ACTN4: variants seen among roughly 807,000 people sequenced by gnomAD.
The protein encoded by ACTN4 is actinin alpha 4.
Under a neutral mutation model 114.2 loss-of-function variants are expected in ACTN4, and 18 were observed. That is an observed-to-expected ratio of 0.16 (90% CI 0.11 to 0.23). The LOEUF is 0.23. Among genes scored for constraint, ACTN4 ranks in the 10% least tolerant of loss-of-function variants. The probability of loss-of-function intolerance (pLI) is 1.00; values close to 1 mark genes in which losing one functional copy is unlikely to be tolerated. For synonymous variants in ACTN4, 515 were observed against 506.3 expected (o/e 1.02, Z -0.23); for missense variants, 722 against 1,262.9 (o/e 0.57, Z 6.49).
intron 17 of ACTN4, among the ~76,000 whole-genome samples, chr19:38,726,449 G>C (rs1347197946): frequency 6.6e-6 from 1 of 152,224 alleles, no homozygotes; most frequent in African/African-American, 2.4e-5. Flanking sequence ...TGTGGCCTTA[G>C]CAGTATCAGC....
chr19:38,680,094 G>A (rs1053266448), intron 1 of ACTN4, among the ~76,000 whole-genome samples: 3 of 151,910 alleles, frequency 2.0e-5, no homozygotes, highest in East Asian at 1.9e-4. Context: ...ACGCTCTATC[G>A]CAGTTATTTA....
chr19:38,696,502 G>A (rs1968097455), intron 1 of ACTN4, among the ~76,000 whole-genome samples: 1 of 152,166 alleles, frequency 6.6e-6, no homozygotes, highest in Non-Finnish European at 1.5e-5. Context: ...TGGAAGCAGA[G>A]TGTTATTTTT....
chr19:38,682,526 G>A (rs1018075529), intron 1 of ACTN4, among the ~76,000 whole-genome samples: 4 of 152,144 alleles, frequency 2.6e-5, no homozygotes, highest in African/African-American at 7.2e-5. Flanking sequence ...AGTCCTGTTA[G>A]CTCTGCCTTC....
At chr19:38,692,618 A>T (rs528250695) in intron 1 of ACTN4, among the ~76,000 whole-genome samples, 1 of 152,316 alleles carries the variant, frequency 6.6e-6, no homozygotes, top group East Asian at 1.9e-4. Flanking sequence ...GATGAAGCCC[A>T]TGGGCTGGGG....
intron 1 of ACTN4, among the ~76,000 whole-genome samples, chr19:38,686,879 C>T (rs1160611156): frequency 6.6e-6 from 1 of 152,136 alleles, no homozygotes; most frequent in Admixed American, 6.5e-5. Context: ...GCAGCTCCTA[C>T]CCCGGGCCGC....
Position 38,647,675 on chromosome 19 carries a change from G to A in ACTN4, c.-71G>A. On this transcript the variant is annotated 5_prime_UTR_variant, in exon 1 of 21. Coordinates refer to ENST00000252699, the MANE Select transcript of ACTN4 (RefSeq NM_004924.6). ...AAGCAGCTGAAGCGGCGGTAGCGGCGGCGGCTCGGGCAGAGGGGCGGGAGC... is the reference window on the plus strand; with the variant it reads ...AAGCAGCTGAAGCGGCGGTAGCGGCAGCGGCTCGGGCAGAGGGGCGGGAGC... The A allele has an allele frequency of 1.3e-6, 2 of 1,484,182 alleles. No homozygotes were observed. The highest frequency in any genetic ancestry group is 1.8e-6 in the Non-Finnish European group (2 of 1,116,754). 91.9% of individuals were successfully genotyped at this position (1,484,182 alleles called of 1,614,324 possible). A position where few individuals can be genotyped will look rare whatever the true frequency, so the allele number is the denominator to read the frequency against.
chr19:38,701,177 G>C (rs1159920369), intron 3 of ACTN4, 56 bp downstream of exon 3: 5 of 1,610,218 alleles, frequency 3.1e-6, no homozygotes, highest in Non-Finnish European at 4.2e-6. Flanking sequence ...TTTAGGCTCT[G>C]AAGCACAACA....
At chr19:38,702,295 G>A (rs1223401202) in intron 3 of ACTN4, among the ~76,000 whole-genome samples, 1 of 152,206 alleles carries the variant, frequency 6.6e-6, no homozygotes, top group Non-Finnish European at 1.5e-5. Context: ...TGACTGTGGG[G>A]CCTTGGAACA....
intron 1 of ACTN4, among the ~76,000 whole-genome samples, chr19:38,666,188 T>C (rs1448127156): frequency 6.6e-6 from 1 of 150,546 alleles, no homozygotes; most frequent in Non-Finnish European, 1.5e-5. Flanking sequence ...TTTCCTGGGG[T>C]CACTTCCTGA....
intron 1 of ACTN4, among the ~76,000 whole-genome samples, chr19:38,660,677 C>T (rs1017405223): frequency 1.3e-5 from 2 of 152,150 alleles, no homozygotes; most frequent in East Asian, 1.9e-4. Flanking sequence ...ATTACAGGCG[C>T]GAGCCACCAT....
intron 1 of ACTN4, among the ~76,000 whole-genome samples, chr19:38,673,473 A>G (rs1967203925): frequency 1.9e-5 from 1 of 53,660 alleles, no homozygotes; most frequent in Non-Finnish European, 5.3e-5. Flanking sequence ...ATTTATATAT[A>G]TTTATATATA....
intron 1 of ACTN4, among the ~76,000 whole-genome samples, chr19:38,693,914 C>G (rs1400903645): frequency 6.6e-6 from 1 of 152,332 alleles, no homozygotes; most frequent in East Asian, 1.9e-4. Context: ...GACAAGCTTG[C>G]CTTTCTCTGT....
rs534001975 is a variant in ACTN4, at chr19:38,704,681, G to C, written c.398-253G>C. On this transcript the variant is annotated intron_variant, in intron 3 of 20. Coordinates refer to ENST00000252699, the MANE Select transcript of ACTN4 (RefSeq NM_004924.6). Reference sequence around the variant, plus strand: ...TGGGTCAGGAGAAGGAGCTGGCTGCGGGGCCAGGGACCCTTGTGGCCAGAA... The same window carrying C: ...TGGGTCAGGAGAAGGAGCTGGCTGCCGGGCCAGGGACCCTTGTGGCCAGAA... Among the ~76,000 whole-genome samples the C allele has an allele frequency of 1.9e-4, 29 of 152,328 alleles. No homozygotes were observed. The East Asian group carries it at 5.6e-3, about 29-fold the overall frequency.
At chr19:38,661,298 C>T (rs1038939079) in intron 1 of ACTN4, among the ~76,000 whole-genome samples, 9 of 152,312 alleles carry the variant, frequency 5.9e-5, no homozygotes, top group South Asian at 2.1e-4. Context: ...AACCCCAAGA[C>T]GGCAGAACAT....
At chr19:38,693,314 C>T (rs979222277) in intron 1 of ACTN4, among the ~76,000 whole-genome samples, 3 of 152,184 alleles carry the variant, frequency 2.0e-5, no homozygotes, top group East Asian at 1.9e-4. Context: ...AGGCCCAAAG[C>T]GACTTTGCAA....
Position 38,721,870 on chromosome 19 carries a change from C to T in ACTN4, c.1442+182C>T, listed in dbSNP as rs1053953932. The T allele has an allele frequency of 6.5e-5, 56 of 859,244 alleles. No homozygotes were observed. The South Asian group carries it at 7.8e-4, about 12-fold the overall frequency. The allele number at this position is 859,244 out of a possible 1,614,324, so 53.2% of individuals were successfully genotyped here. A position where few individuals can be genotyped will look rare whatever the true frequency, so the allele number is the denominator to read the frequency against. Reference sequence around the variant, plus strand: ...TATGGGATGAGGCCTTTTGCCCATCCTGTCTCAGCCCCAGGTGGGACACCT... The same window carrying T: ...TATGGGATGAGGCCTTTTGCCCATCTTGTCTCAGCCCCAGGTGGGACACCT... On this transcript the variant is annotated intron_variant, in intron 12 of 20. Coordinates refer to ENST00000252699, the MANE Select transcript of ACTN4 (RefSeq NM_004924.6).
intron 12 of ACTN4, among the ~76,000 whole-genome samples, chr19:38,722,274 CAGGCAGCAGG>C (rs1483113527): frequency 6.6e-6 from 1 of 152,142 alleles, no homozygotes; most frequent in African/African-American, 2.4e-5. Flanking sequence ...AGGGCGGGCC[CAGGCAGCAGG>C]AGGCCCAGGC....
At chr19:38,649,691 G>A (rs974356436) in intron 1 of ACTN4, among the ~76,000 whole-genome samples, 1 of 152,082 alleles carries the variant, frequency 6.6e-6, no homozygotes, top group Non-Finnish European at 1.5e-5. Flanking sequence ...GTGGTGACCT[G>A]GCAGAGTGGG....
chr19:38,716,709 C>T (rs1968852435), intron 9 of ACTN4, among the ~76,000 whole-genome samples: 1 of 152,214 alleles, frequency 6.6e-6, no homozygotes, highest in South Asian at 2.1e-4. Flanking sequence ...CGGAGGTAGG[C>T]ACCTGTAGTC....
Sources: gnomAD v4.1 joint callset for allele counts (sites outside exome capture counted in the v4.1 genomes callset) on GRCh38, gnomAD v4.1.1 for gene constraint, MANE v1.5 for transcripts, NCBI Gene and HGNC (gene_info 2026-07-23, HGNC 2026-07-21) for gene names.